The following PBX1 variants were observed in gnomAD, a reference collection of about 807,000 sequenced individuals.
The protein encoded by PBX1 is pre-B-cell leukemia transcription factor 1.
A neutral mutation model predicts 53.4 loss-of-function variants in PBX1; 6 were observed. That is an observed-to-expected ratio of 0.11 (90% confidence interval 0.06 to 0.22). PBX1 has a LOEUF of 0.22. PBX1 is among the 10% of genes least tolerant of loss of function. PBX1 has a pLI of 1.00. For synonymous variants in PBX1, 204 were observed against 212.3 expected, an observed-to-expected ratio of 0.96 and a Z score of 0.34; for missense variants, 251 against 551.4, an observed-to-expected ratio of 0.46 and a Z score of 5.46.
chr1:164,733,162 G>T (rs1665089401), intron 2 of PBX1, among the ~76,000 whole-genome samples: 1 of 152,148 alleles, frequency 6.6e-6, no homozygotes, highest in East Asian at 1.9e-4. Context: ...TTTCTGTTGA[G>T]TTCTGACTTC....
At chr1:164,596,973 A>C (rs1655805666) in intron 2 of PBX1, among the ~76,000 whole-genome samples, 1 of 152,122 alleles carries the variant, frequency 6.6e-6, no homozygotes, top group African/African-American at 2.4e-5. Context: ...CGTGGATATG[A>C]GACTCAGTCT....
chr1:164,687,975 T>TTATG (rs1662224070), intron 2 of PBX1, among the ~76,000 whole-genome samples: 1 of 152,192 alleles, frequency 6.6e-6, no homozygotes, highest in South Asian at 2.1e-4. Context: ...TGAGACTCTG[T>TTATG]TATGATATGC....
chr1:164,734,388 T>C (rs1571308602), intron 2 of PBX1, among the ~76,000 whole-genome samples: 1 of 152,362 alleles, frequency 6.6e-6, no homozygotes, highest in South Asian at 2.1e-4. Context: ...TACAACCTAT[T>C]ATTTCTTGTC....
At chr1:164,612,161 G>T (rs996210041) in intron 2 of PBX1, among the ~76,000 whole-genome samples, 1 of 152,140 alleles carries the variant, frequency 6.6e-6, no homozygotes, top group African/African-American at 2.4e-5. Flanking sequence ...GTATTGCACT[G>T]AAGTTGGTAG....
intron 2 of PBX1, among the ~76,000 whole-genome samples, chr1:164,594,086 A>G (rs1655589378): frequency 6.6e-6 from 1 of 152,196 alleles, no homozygotes; most frequent in Non-Finnish European, 1.5e-5. Context: ...TATTAATTTC[A>G]TGTCACTTTC....
At chr1:164,671,947 AAG>A (rs1467060133) in intron 2 of PBX1, among the ~76,000 whole-genome samples, 3 of 152,028 alleles carry the variant, frequency 2.0e-5, no homozygotes, top group Admixed American at 6.5e-5. Flanking sequence ...AATTAAATTG[AAG>A]AGAGTCCACC....
chr1:164,756,387 G>A (rs747287243), intron 2 of PBX1, among the ~76,000 whole-genome samples: 16 of 152,120 alleles, frequency 1.1e-4, no homozygotes, highest in Non-Finnish European at 1.5e-4. Context: ...TGGGCATTGC[G>A]AAACGTTAAA....
chr1:164,731,090 C>T (rs1664954707), intron 2 of PBX1, among the ~76,000 whole-genome samples: 1 of 152,040 alleles, frequency 6.6e-6, no homozygotes, highest in Admixed American at 6.6e-5. Context: ...TATGGGCGCA[C>T]GCGCATGCAT....
At chr1:164,698,026 G>T (rs1406465927) in intron 2 of PBX1, among the ~76,000 whole-genome samples, 5 of 152,110 alleles carry the variant, frequency 3.3e-5, no homozygotes, top group African/African-American at 1.2e-4. Context: ...AAGCTTTGTG[G>T]TAAGCGACTT....
chr1:164,595,258 A>G (rs554395144), intron 2 of PBX1, among the ~76,000 whole-genome samples: 1 of 152,188 alleles, frequency 6.6e-6, no homozygotes, highest in East Asian at 1.9e-4. Context: ...CCCTGGTACA[A>G]CTCTATGGAC....
intron 2 of PBX1, among the ~76,000 whole-genome samples, chr1:164,773,241 G>GCACACACACA (rs746140319): frequency 0.087 from 11,727 of 135,134 alleles, 965 homozygotes; most frequent in African/African-American, 0.2. Flanking sequence ...TAGGTAACAC[G>GCACACACACA]CGCACACACA....
In PBX1 at chr1:164,705,313, T is replaced by C. The variant is rs1295670710; in HGVS notation, c.266-87181T>C. On this transcript the variant is annotated intron_variant, in intron 2 of 8. Coordinates refer to ENST00000420696, the MANE Select transcript of PBX1 (RefSeq NM_002585.4). The stretch of plus-strand genomic sequence containing the variant: ...AATACATTTTACTGTAAATAAATAA[T>C]ATAGGTTGTGTTTGGTAATTAAAAA... Among the ~76,000 whole-genome samples the C allele has an allele frequency of 2.6e-5, 4 of 152,184 alleles. No individual in the cohort carries two copies. In the South Asian group the frequency reaches 8.3e-4, roughly 32 times the overall value.
chr1:164,612,345 G>C (rs945197778), intron 2 of PBX1, among the ~76,000 whole-genome samples: 2 of 152,148 alleles, frequency 1.3e-5, no homozygotes, highest in African/African-American at 4.8e-5. Context: ...TTGAGCAGCT[G>C]CAACGGTTGA....
In PBX1 at chr1:164,851,015, T is replaced by TG. The variant is rs1671811976; in HGVS notation, c.*4343dup. The TG allele has an allele frequency of 4.5e-6, 1 of 222,720 alleles. No individual in the cohort carries two copies. The highest frequency in any genetic ancestry group is 2.2e-5 in the African/African-American group (1 of 44,842). 13.8% of individuals were successfully genotyped at this position (222,720 alleles called of 1,614,324 possible). A position where few individuals can be genotyped will look rare whatever the true frequency, so the allele number is the denominator to read the frequency against. On this transcript the variant is annotated 3_prime_UTR_variant, in exon 9 of 9. Transcript: ENST00000420696. ...TAAACTACATGCAGGAAGAAGTCCT[T>TG]GGGGCCAGTCTGCCAGCTGAGTCCT...
intron 2 of PBX1, among the ~76,000 whole-genome samples, chr1:164,857,079 G>T (rs1165746844): frequency 6.6e-6 from 1 of 152,066 alleles, no homozygotes; most frequent in Non-Finnish European, 1.5e-5. Flanking sequence ...CAACTACCCG[G>T]AATTAGCTTC....
At chr1:164,693,035 AC>A (rs1662583786) in intron 2 of PBX1, among the ~76,000 whole-genome samples, 1 of 152,108 alleles carries the variant, frequency 6.6e-6, no homozygotes, top group Admixed American at 6.5e-5. Context: ...TGTGGTTGGG[AC>A]CTTCCCTGAG....
At chr1:164,728,330 A>AAAG (rs1553236555) in intron 2 of PBX1, among the ~76,000 whole-genome samples, 37 of 149,506 alleles carry the variant, frequency 2.5e-4, no homozygotes, top group African/African-American at 6.7e-4. Flanking sequence ...AAAAAAAAAA[A>AAAG]AGAGAGAGAG....
intron 8 of PBX1, among the ~76,000 whole-genome samples, chr1:164,845,521 G>A (rs1422265442): frequency 6.6e-6 from 1 of 152,152 alleles, no homozygotes; most frequent in African/African-American, 2.4e-5. Context: ...GTAATCGAAG[G>A]GGGGAAAGGC....
At chr1:164,733,007 G>C (rs372081261) in intron 2 of PBX1, among the ~76,000 whole-genome samples, 25 of 152,136 alleles carry the variant, frequency 1.6e-4, no homozygotes, top group African/African-American at 5.3e-4. Context: ...ATATTTTTCA[G>C]TCTTGATCTT....
Sources: gnomAD v4.1 joint callset for allele counts (sites outside exome capture counted in the v4.1 genomes callset) on GRCh38, gnomAD v4.1.1 for gene constraint, MANE v1.5 for transcripts, NCBI Gene and HGNC (gene_info 2026-07-23, HGNC 2026-07-21) for gene names.